PTPRJ: variants seen among roughly 807,000 people sequenced by gnomAD.
The protein encoded by PTPRJ is protein tyrosine phosphatase receptor type J.
In PTPRJ, 129 loss-of-function variants were observed where a neutral mutation model predicts 141.3. The ratio of observed to expected loss-of-function variants is 0.91; its 90% confidence interval spans 0.79 to 1.06. The LOEUF (loss-of-function observed/expected upper bound fraction) is 1.06, where lower values mean the gene tolerates loss of function less well. Ranked by LOEUF, PTPRJ falls within the 50% of genes least tolerant of loss-of-function variation. PTPRJ has a pLI of 0.00. For missense variants in PTPRJ, 1,601 were observed against 1,679.7 expected, an observed-to-expected ratio of 0.95 and a Z score of 0.82; for synonymous variants, 610 against 640.5, an observed-to-expected ratio of 0.95 and a Z score of 0.72.
rs1856451946 is a variant in PTPRJ, at chr11:48,111,893, C to G, written c.116-854C>G. Among the ~76,000 whole-genome samples, 3 of 152,022 alleles carry G rather than the reference C, an allele frequency of 2.0e-5. No individual in the cohort carries two copies. In the South Asian group the frequency reaches 6.2e-4, roughly 32 times the overall value. ...GCTGGGGAGGAGGCTTTAGGCCTGG[C>G]CCTGAGAAATTACTCCCAGACTAAG... On this transcript the variant is annotated intron_variant, in intron 2 of 24. Coordinates refer to ENST00000418331, the MANE Select transcript of PTPRJ (RefSeq NM_002843.4).
At chr11:48,078,549 G>A (rs1178049916) in intron 1 of PTPRJ, among the ~76,000 whole-genome samples, 2 of 152,114 alleles carry the variant, frequency 1.3e-5, no homozygotes, top group Non-Finnish European at 2.9e-5. Context: ...AGGAGTGAGC[G>A]GGATGGATTT....
At chr11:48,159,830 C>A in intron 21 of PTPRJ, 100 bp from the exon 22 acceptor site, 1 of 1,468,204 alleles carries the variant, frequency 6.8e-7, no homozygotes, top group Non-Finnish European at 9.4e-7. Context: ...CTGATTCCAT[C>A]TCTGATGCCA....
intron 1 of PTPRJ, among the ~76,000 whole-genome samples, chr11:48,073,581 G>C (rs749272728): frequency 1.3e-5 from 2 of 152,000 alleles, no homozygotes; most frequent in East Asian, 3.9e-4. Context: ...AGTATGAACT[G>C]ATCAACTGTA....
At chr11:48,066,874 C>T (rs1855099290) in intron 1 of PTPRJ, among the ~76,000 whole-genome samples, 1 of 152,266 alleles carries the variant, frequency 6.6e-6, no homozygotes, top group African/African-American at 2.4e-5. Flanking sequence ...GCGTGAGCCA[C>T]CGCCCCCAGC....
At chr11:48,147,403 C>T (rs1263206779) in intron 15 of PTPRJ, among the ~76,000 whole-genome samples, 1 of 152,180 alleles carries the variant, frequency 6.6e-6, no homozygotes, top group Non-Finnish European at 1.5e-5. Context: ...ATAAATAAGG[C>T]ACTTCTCAGT....
At chr11:48,111,296 A>C (rs1016285840) in intron 2 of PTPRJ, among the ~76,000 whole-genome samples, 39 of 150,738 alleles carry the variant, frequency 2.6e-4, no homozygotes, top group Non-Finnish European at 3.8e-4. Context: ...AAAAAAAAAA[A>C]AAAAAAAATT....
intron 1 of PTPRJ, among the ~76,000 whole-genome samples, chr11:48,005,578 G>A (rs1854600989): frequency 1.3e-5 from 2 of 152,300 alleles, no homozygotes; most frequent in South Asian, 2.1e-4. Flanking sequence ...GAGATACCAT[G>A]TTTTGTTTAT....
Position 47,980,599 on chromosome 11 carries a change from G to A in PTPRJ, c.-314G>A. On this transcript the variant is annotated 5_prime_UTR_variant, in exon 1 of 25. Transcript: ENST00000418331. Reference sequence around the variant, plus strand: ...ACGCGCGGAGGAGGCAGCGGGAGCAGCCGCGGGAGCCGGGACCGGGTAGCC... The same window carrying A: ...ACGCGCGGAGGAGGCAGCGGGAGCAACCGCGGGAGCCGGGACCGGGTAGCC... 9.2e-6 allele frequency: 9 copies of A among 983,290 alleles called. No individual in the cohort carries two copies. Among genetic ancestry groups the A allele is most frequent in the Non-Finnish European group, 8.4e-6 (7 of 829,320 alleles). The allele number at this position is 983,290 out of a possible 1,614,324, so 60.9% of individuals were successfully genotyped here.
intron 1 of PTPRJ, among the ~76,000 whole-genome samples, chr11:48,059,569 G>T (rs930898782): frequency 6.6e-6 from 1 of 152,202 alleles, no homozygotes; most frequent in Non-Finnish European, 1.5e-5. Context: ...AGTAGGAACA[G>T]AATATGGTCC....
intron 1 of PTPRJ, among the ~76,000 whole-genome samples, chr11:48,056,519 CTAA>C (rs1489226466): frequency 6.6e-6 from 1 of 152,208 alleles, no homozygotes. Context: ...TGGCGTGGCA[CTAA>C]TAATGATGAT....
At chr11:48,090,728 A>G (rs1855848155) in intron 1 of PTPRJ, among the ~76,000 whole-genome samples, 1 of 152,164 alleles carries the variant, frequency 6.6e-6, no homozygotes, top group African/African-American at 2.4e-5. Context: ...CCAGGAGTGT[A>G]CCTTTCCCTT....
chr11:47,982,132 G>T (rs1181877249), intron 1 of PTPRJ, among the ~76,000 whole-genome samples: 1 of 152,208 alleles, frequency 6.6e-6, no homozygotes, highest in Non-Finnish European at 1.5e-5. Flanking sequence ...AGGAGAAGGG[G>T]GCTGGGGCCT....
intron 22 of PTPRJ, among the ~76,000 whole-genome samples, chr11:48,162,747 AG>A (rs1857818312): frequency 6.6e-6 from 1 of 152,220 alleles, no homozygotes; most frequent in African/African-American, 2.4e-5. Flanking sequence ...AGTCAGGGAC[AG>A]GACTCGCCCC....
At chr11:48,041,380 A>C (rs1392881534) in intron 1 of PTPRJ, among the ~76,000 whole-genome samples, 3 of 152,210 alleles carry the variant, frequency 2.0e-5, no homozygotes, top group African/African-American at 7.2e-5. Flanking sequence ...TACTGTGTGC[A>C]TGCATTCCAT....
intron 19 of PTPRJ, among the ~76,000 whole-genome samples, chr11:48,154,301 G>C (rs886764182): frequency 1.3e-5 from 2 of 152,220 alleles, no homozygotes; most frequent in African/African-American, 4.8e-5. Flanking sequence ...TGGAATGAAA[G>C]TGAGCAGAGG....
intron 6 of PTPRJ, among the ~76,000 whole-genome samples, chr11:48,125,598 C>T (rs1217716893): frequency 2.6e-5 from 4 of 152,240 alleles, no homozygotes; most frequent in Non-Finnish European, 5.9e-5. Flanking sequence ...TCATACCGAT[C>T]TTTCTGTTGA....
At chr11:48,019,470 T>TTCAGCAATCACATTTGC (rs1855051058) in intron 1 of PTPRJ, among the ~76,000 whole-genome samples, 5 of 152,160 alleles carry the variant, frequency 3.3e-5, no homozygotes, top group Middle Eastern at 3.4e-3. Context: ...GTGTTGCCTG[T>TTCAGCAATCACATTTGC]TCAGCAATCA....
intron 1 of PTPRJ, among the ~76,000 whole-genome samples, chr11:48,057,589 A>G (rs1000736166): frequency 6.6e-6 from 1 of 152,106 alleles, no homozygotes; most frequent in Non-Finnish European, 1.5e-5. Context: ...TGGCAGCGGT[A>G]GCCCCCATAA....
At chr11:48,030,658 G>A (rs1426889119) in intron 1 of PTPRJ, among the ~76,000 whole-genome samples, 1 of 152,148 alleles carries the variant, frequency 6.6e-6, no homozygotes, top group Non-Finnish European at 1.5e-5. Flanking sequence ...CAGGAGGATC[G>A]CTTGAACCTG....
Sources: allele counts gnomAD v4.1 joint callset (sites outside exome capture counted in the v4.1 genomes callset), GRCh38; gene constraint gnomAD v4.1.1; transcripts MANE v1.5; gene names NCBI Gene and HGNC (gene_info 2026-07-23, HGNC 2026-07-21).